Variants in PLSCR2 observed in about 807,000 individuals in gnomAD.
PLSCR2 encodes PL scramblase 2.
Under a neutral mutation model 25.3 loss-of-function variants are expected in PLSCR2, and 18 were observed. The ratio of observed to expected loss-of-function variants is 0.71; its 90% CI spans 0.49 to 1.06. The LOEUF (loss-of-function observed/expected upper bound fraction) is 1.06, where lower values mean the gene tolerates loss of function less well. Among genes scored for constraint, PLSCR2 ranks in the 50% least tolerant of loss-of-function variants. PLSCR2 has a pLI of 0.00. For synonymous variants in PLSCR2, 88 were observed against 87.3 expected (o/e 1.01, Z -0.04); for missense variants, 243 against 269.5 (o/e 0.90, Z 0.69).
At chr3:146,425,847 G>A (rs916501877) in intron 2 of PLSCR2, among the ~76,000 whole-genome samples, 11 of 152,104 alleles carry the variant, frequency 7.2e-5, no homozygotes, top group Admixed American at 2.0e-4. Context: ...CTGGAGAAAA[G>A]TGGATTTTTG....
At chr3:146,456,980 A>C (rs1180446483) in intron 3 of PLSCR2, among the ~76,000 whole-genome samples, 3 of 152,060 alleles carry the variant, frequency 2.0e-5, no homozygotes, top group Non-Finnish European at 4.4e-5. Context: ...AATCTTAATT[A>C]TATATTCCAT....
downstream of PLSCR2, among the ~76,000 whole-genome samples, chr3:146,441,548 C>A (rs942834138): frequency 6.6e-6 from 1 of 151,414 alleles, no homozygotes; most frequent in South Asian, 2.1e-4. Context: ...AATGAATAAT[C>A]TAATAAAGTA....
At chr3:146,416,141 G>A (rs2039000174) in intron 2 of PLSCR2, among the ~76,000 whole-genome samples, 1 of 151,756 alleles carries the variant, frequency 6.6e-6, no homozygotes, top group Non-Finnish European at 1.5e-5. Flanking sequence ...TAGTAGAGAC[G>A]GGGTTTCACC....
intron 5 of PLSCR2, among the ~76,000 whole-genome samples, chr3:146,451,576 T>G (rs1312001061): frequency 2.0e-5 from 3 of 152,148 alleles, no homozygotes; most frequent in African/African-American, 7.2e-5. Flanking sequence ...AATAAATCTT[T>G]TATATACTAA....
exon 1 of PLSCR2, chr3:146,460,198 T>G: frequency 7.2e-7 from 1 of 1,395,826 alleles, no homozygotes; most frequent in Non-Finnish European, 9.3e-7. Context: ...CCTATATCTG[T>G]GAAGCTTGAG....
At chr3:146,472,745 C>G (rs2042160734) in intron 1 of PLSCR2, among the ~76,000 whole-genome samples, 1 of 152,174 alleles carries the variant, frequency 6.6e-6, no homozygotes, top group South Asian at 2.1e-4. Flanking sequence ...TGAGTGGACA[C>G]AAACATTCAG....
chr3:146,428,553 C>T (rs1210906322), downstream of PLSCR2, among the ~76,000 whole-genome samples: 1 of 152,146 alleles, frequency 6.6e-6, no homozygotes, highest in Non-Finnish European at 1.5e-5. Context: ...GTTCAGAGCT[C>T]TGTGTATTGC....
At position 146,445,951 on chromosome 3, in the gene PLSCR2, T is replaced by C. The variant is rs1204787429; in HGVS notation, c.645+3255A>G. ...TTAGAGACTCTGATGCATTCTTCAT[T>C]ACATCAATTGCATTATTCAACTCCA... On this transcript the variant is annotated intron_variant, in intron 6 of 6. Coordinates refer to ENST00000610787, the Ensembl canonical transcript of PLSCR2. 3.3e-5 allele frequency among the ~76,000 whole-genome samples: 5 copies of C among 152,340 alleles called. No homozygotes were observed. In the South Asian group the frequency reaches 8.3e-4, roughly 25 times the overall value.
intron 6 of PLSCR2, among the ~76,000 whole-genome samples, chr3:146,447,560 G>A (rs2040627801): frequency 6.6e-6 from 1 of 152,020 alleles, no homozygotes; most frequent in Non-Finnish European, 1.5e-5. Flanking sequence ...GTAGGGGGGT[G>A]GTATACAAGT....
intron 1 of PLSCR2, among the ~76,000 whole-genome samples, chr3:146,465,635 C>T (rs1023650710): frequency 6.7e-6 from 1 of 150,264 alleles, no homozygotes; most frequent in East Asian, 1.9e-4. Context: ...CAAGCAGAGA[C>T]ATAGGTTCTG....
chr3:146,392,395 G>A (rs2038108977), intron 3 of PLSCR2, among the ~76,000 whole-genome samples: 2 of 152,050 alleles, frequency 1.3e-5, no homozygotes, highest in African/African-American at 4.8e-5. Flanking sequence ...ACAAAAAATG[G>A]TATTTTATCC....
rs142240543 is a variant in PLSCR2 at position 146,396,364 on chromosome 3, C to G, written c.101-443G>C. On this transcript the variant is annotated intron_variant and NMD_transcript_variant, in intron 2 of 3. Coordinates refer to the PLSCR2 transcript ENST00000463633. ...ACCTAAACCTCCTAGAGCATCATTTCTCATACCAACTCATACTAATTCCTT... is the reference window on the plus strand; with the variant it reads ...ACCTAAACCTCCTAGAGCATCATTTGTCATACCAACTCATACTAATTCCTT... 5.3e-5 allele frequency among the ~76,000 whole-genome samples: 8 copies of G among 152,048 alleles called. No individual in the cohort carries two copies. The East Asian group carries it at 1.4e-3, about 26-fold the overall frequency.
At chr3:146,391,829 T>C (rs1351646170) in intron 3 of PLSCR2, among the ~76,000 whole-genome samples, 1 of 152,092 alleles carries the variant, frequency 6.6e-6, no homozygotes, top group Non-Finnish European at 1.5e-5. Context: ...TTCTACCTCA[T>C]TTTACTTATG....
At chr3:146,469,471 C>T (rs535344) in intron 1 of PLSCR2, 24 bp downstream of exon 1, 491,756 of 963,650 alleles carry the variant, frequency 0.51, 126,701 homozygotes, top group Admixed American at 0.63. Context: ...CATAGGGAGG[C>T]GACTGAGAAA....
At chr3:146,430,819 C>G (rs552298716), downstream of PLSCR2, among the ~76,000 whole-genome samples, 1 of 149,076 alleles carries the variant, frequency 6.7e-6, no homozygotes, top group Non-Finnish European at 1.5e-5. Flanking sequence ...CTTGTTCTTT[C>G]CCTCCCTCTT....
intron 2 of PLSCR2, among the ~76,000 whole-genome samples, chr3:146,399,716 C>T (rs1179990458): frequency 6.6e-6 from 1 of 150,822 alleles, no homozygotes; most frequent in Admixed American, 6.6e-5. Flanking sequence ...CTTCTGCTCT[C>T]TCCCTTTCTC....
chr3:146,415,687 A>C (rs1459772124), intron 2 of PLSCR2, among the ~76,000 whole-genome samples: 1 of 152,130 alleles, frequency 6.6e-6, no homozygotes, highest in Non-Finnish European at 1.5e-5. Flanking sequence ...GATTACAGAC[A>C]ACTAAATTGT....
rs111660796 is a variant in PLSCR2 at position 146,483,753 on chromosome 3, A to C, written c.-293+12142T>G. ...AGGAAGCAGTAACAACAGCATCAAC[A>C]AAAAAATACCCACAAAACCCCATCT... On this transcript the variant is annotated intron_variant, in intron 1 of 8. Transcript: ENST00000336685. Among the ~76,000 whole-genome samples, 815 of 151,686 alleles carry C rather than the reference A, an allele frequency of 5.4e-3. 8 individuals are homozygous for C. Among genetic ancestry groups the C allele is most frequent in the African/African-American group, 0.019 (794 of 41,368 alleles).
At chr3:146,457,050 C>T (rs1305879786) in intron 3 of PLSCR2, among the ~76,000 whole-genome samples, 4 of 151,906 alleles carry the variant, frequency 2.6e-5, no homozygotes, top group South Asian at 4.2e-4. Context: ...GTGCTCCTTT[C>T]CAGAGCAAAC....
Sources: gnomAD v4.1 joint callset for allele counts (sites outside exome capture counted in the v4.1 genomes callset) on GRCh38, gnomAD v4.1.1 for gene constraint, MANE v1.5 for transcripts, NCBI Gene and HGNC (gene_info 2026-07-23, HGNC 2026-07-21) for gene names.